DIAPH2: variants seen among roughly 807,000 people sequenced by gnomAD.
DIAPH2 encodes the protein protein diaphanous homolog 2.
Under a neutral mutation model 92.7 loss-of-function variants are expected in DIAPH2, and 35 were observed. The ratio of observed to expected loss-of-function variants is 0.38; its 90% confidence interval spans 0.29 to 0.50. The LOEUF (loss-of-function observed/expected upper bound fraction) is 0.50, where lower values mean the gene tolerates loss of function less well. Ranked by LOEUF, DIAPH2 falls within the 20% of genes least tolerant of loss-of-function variation. The pLI is 0.94. For missense variants in DIAPH2, 701 were observed against 819.5 expected (o/e 0.86, Z 1.77); for synonymous variants, 301 against 280.4 (o/e 1.07, Z -0.73).
chrX:97,540,588 C>T lies in DIAPH2; in HGVS notation c.3242-58665C>T, dbSNP rs183331040. Among the ~76,000 whole-genome samples the T allele has an allele frequency of 5.6e-3, 633 of 112,171 alleles. 2 individuals carry two copies. Among genetic ancestry groups the T allele is most frequent in the African/African-American group, 0.019 (602 of 30,909 alleles). On this transcript the variant is annotated intron_variant, in intron 26 of 26. Transcript: ENST00000324765. ...GTTTAAATCATATTTCATTGTTTTG[C>T]ATGTTTTAAAAGTCATGTTGTAAAT...
chrX:97,334,097 C>T (rs1033042252), intron 23 of DIAPH2, among the ~76,000 whole-genome samples: 2 of 111,058 alleles, frequency 1.8e-5, no homozygotes, highest in African/African-American at 6.5e-5. Flanking sequence ...CCTTTTCAGG[C>T]TTATCCCCTC....
chrX:96,884,903 G>T lies in DIAPH2; in HGVS notation c.587+3185G>T, dbSNP rs199631132. On this transcript the variant is annotated intron_variant, in intron 5 of 26. Coordinates refer to ENST00000324765, the MANE Select transcript of DIAPH2 (RefSeq NM_006729.5). ...GCTGGGGATAACGATGAGAGTCACC[G>T]CAATTTCATCCAGGACGAAGTGCTG... 4.0e-5 allele frequency: 48 copies of T among 1,208,876 alleles called. No individual in the cohort carries two copies. The East Asian group carries it at 1.3e-3, about 32-fold the overall frequency.
chrX:96,793,397 G>A (rs1224360564), intron 4 of DIAPH2, among the ~76,000 whole-genome samples: 1 of 112,573 alleles, frequency 8.9e-6, no homozygotes, highest in Non-Finnish European at 1.9e-5. Context: ...TCCAGCTCCT[G>A]ATCACAGGTG....
At chrX:96,844,095 C>A (rs974781898) in intron 4 of DIAPH2, among the ~76,000 whole-genome samples, 2 of 112,020 alleles carry the variant, frequency 1.8e-5, no homozygotes, top group African/African-American at 6.5e-5. Flanking sequence ...GAATAGCATC[C>A]AAATATACAT....
At chrX:97,137,937 G>A (rs1373846994) in intron 21 of DIAPH2, among the ~76,000 whole-genome samples, 1 of 112,176 alleles carries the variant, frequency 8.9e-6, no homozygotes, top group Non-Finnish European at 1.9e-5. Context: ...TGTTTATTTG[G>A]AGAACAGGAC....
At chrX:96,893,423 C>T (rs1316274871) in intron 5 of DIAPH2, among the ~76,000 whole-genome samples, 1 of 111,170 alleles carries the variant, frequency 9.0e-6, no homozygotes, top group Non-Finnish European at 1.9e-5. Context: ...GACATTGCAT[C>T]TCTTTTGTGT....
At chrX:97,038,024 C>T (rs1280946248) in intron 17 of DIAPH2, among the ~76,000 whole-genome samples, 1 of 111,204 alleles carries the variant, frequency 9.0e-6, no homozygotes, top group East Asian at 2.8e-4. Context: ...CTACCCCCTT[C>T]TGAGTCTCCA....
intron 19 of DIAPH2, among the ~76,000 whole-genome samples, chrX:97,084,334 AT>A (rs2066768210): frequency 8.9e-6 from 1 of 111,754 alleles, no homozygotes; most frequent in South Asian, 3.8e-4. Context: ...CCCCTAGCAC[AT>A]TGCTGGTTAC....
At chrX:97,263,556 GTTATTTATTTATTTAT>G (rs201397413) in intron 23 of DIAPH2, among the ~76,000 whole-genome samples, 1,440 of 98,024 alleles carry the variant, frequency 0.015, 26 homozygotes, top group African/African-American at 0.051. Flanking sequence ...TGTTCCAACT[GTTATTTATTTATTTAT>G]TTATTTATTT....
At chrX:96,813,339 G>C (rs1256369835) in intron 4 of DIAPH2, among the ~76,000 whole-genome samples, 1 of 109,415 alleles carries the variant, frequency 9.1e-6, no homozygotes, top group Non-Finnish European at 1.9e-5. Context: ...GACTAGGATT[G>C]CAACTCCTCT....
At chrX:97,563,263 T>C (rs2071305822) in intron 26 of DIAPH2, among the ~76,000 whole-genome samples, 1 of 111,646 alleles carries the variant, frequency 9.0e-6, no homozygotes, top group South Asian at 3.7e-4. Flanking sequence ...GAGAGACCAA[T>C]TGGAGGGAAT....
chrX:97,494,034 T>C (rs2070741843), intron 26 of DIAPH2, among the ~76,000 whole-genome samples: 1 of 108,714 alleles, frequency 9.2e-6, no homozygotes, highest in Non-Finnish European at 1.9e-5. Flanking sequence ...CTGGCCAACA[T>C]AGGGAAACCC....
chrX:96,847,817 G>T (rs2064981722), intron 4 of DIAPH2, among the ~76,000 whole-genome samples: 1 of 110,715 alleles, frequency 9.0e-6, no homozygotes, highest in Admixed American at 9.6e-5. Flanking sequence ...CTTGTCTGTT[G>T]TTCCCTTCCT....
chrX:97,070,538 T>C (rs996818570), intron 17 of DIAPH2, among the ~76,000 whole-genome samples: 2 of 111,718 alleles, frequency 1.8e-5, no homozygotes, highest in African/African-American at 6.5e-5. Context: ...TATCTAAGCC[T>C]GTGGTCATGA....
chrX:97,492,752 G>A (rs1283191510), intron 26 of DIAPH2, among the ~76,000 whole-genome samples: 1 of 111,740 alleles, frequency 8.9e-6, no homozygotes, highest in Non-Finnish European at 1.9e-5. Flanking sequence ...TTTCTGCTAA[G>A]AAATCCACTG....
intron 20 of DIAPH2, among the ~76,000 whole-genome samples, chrX:97,101,838 G>T (rs981334576): frequency 4.5e-5 from 5 of 111,887 alleles, no homozygotes; most frequent in Admixed American, 9.5e-5. Flanking sequence ...TATTTCTCTA[G>T]GTGTATGCTG....
intron 25 of DIAPH2, among the ~76,000 whole-genome samples, chrX:97,398,416 T>C (rs1379079818): frequency 1.8e-5 from 2 of 111,534 alleles, no homozygotes; most frequent in Non-Finnish European, 3.8e-5. Context: ...GCCTGTACTT[T>C]TAAGTAATCC....
At chrX:96,894,722 G>T (rs1015436558) in intron 5 of DIAPH2, among the ~76,000 whole-genome samples, 2 of 110,871 alleles carry the variant, frequency 1.8e-5, no homozygotes, top group Non-Finnish European at 3.8e-5. Context: ...GAAGGAGATG[G>T]GTTATTATGT....
chrX:96,851,424 A>G (rs923092188), intron 4 of DIAPH2, among the ~76,000 whole-genome samples: 11 of 111,891 alleles, frequency 9.8e-5, no homozygotes, highest in African/African-American at 3.6e-4. Flanking sequence ...TTTTAGATGT[A>G]CAGTTGTCCT....
Sources: allele counts gnomAD v4.1 joint callset (sites outside exome capture counted in the v4.1 genomes callset), GRCh38; gene constraint gnomAD v4.1.1; transcripts MANE v1.5; gene names NCBI Gene and HGNC (gene_info 2026-07-23, HGNC 2026-07-21).